ARMH3: variants seen among roughly 807,000 people sequenced by gnomAD.
The protein encoded by ARMH3 is armadillo like helical domain containing 3.
A neutral mutation model predicts 99.1 loss-of-function variants in ARMH3; 60 were observed. That is an observed-to-expected ratio of 0.61 (90% confidence interval 0.49 to 0.75). ARMH3 has a LOEUF of 0.75. Ranked by LOEUF, ARMH3 falls within the 30% of genes least tolerant of loss-of-function variation. The pLI is 0.00. For missense variants in ARMH3, 679 were observed against 843.1 expected (o/e 0.81, Z 2.41); for synonymous variants, 285 against 292.8 (o/e 0.97, Z 0.27).
At chr10:101,977,809 C>T (rs902804816) in intron 19 of ARMH3, among the ~76,000 whole-genome samples, 1 of 152,222 alleles carries the variant, frequency 6.6e-6, no homozygotes, top group Non-Finnish European at 1.5e-5. Context: ...CATACAATAC[C>T]TTGCACCACC....
At chr10:102,021,399 TA>T (rs2066882370) in intron 8 of ARMH3, among the ~76,000 whole-genome samples, 1 of 150,442 alleles carries the variant, frequency 6.6e-6, no homozygotes, top group Admixed American at 6.6e-5. Context: ...TTTTTTTTTT[TA>T]AAGACAGGGT....
In ARMH3 at chr10:101,850,463, C is replaced by T. The variant is rs567713630; in HGVS notation, c.1861-571G>A. Among the ~76,000 whole-genome samples the T allele has an allele frequency of 3.3e-5, 5 of 150,592 alleles. No individual in the cohort carries two copies. The South Asian group carries it at 8.4e-4, about 25-fold the overall frequency. ...TTTTTGAGACAGAGTCTCACTCTGT[C>T]GCCCAGGCTGGAGTGCAGTGGTGCA... On this transcript the variant is annotated intron_variant, in intron 24 of 25. Transcript: ENST00000370033.
At chr10:101,868,809 C>T (rs1352932782) in intron 24 of ARMH3, among the ~76,000 whole-genome samples, 4 of 152,196 alleles carry the variant, frequency 2.6e-5, no homozygotes, top group South Asian at 4.1e-4. Context: ...CGGTGGCTCA[C>T]GCCTATAATC....
intron 23 of ARMH3, among the ~76,000 whole-genome samples, chr10:101,897,574 T>G (rs573589068): frequency 1.3e-5 from 2 of 152,098 alleles, no homozygotes; most frequent in African/African-American, 4.8e-5. Context: ...CTTCTAAAAG[T>G]AAGCCTAGGT....
chr10:101,856,383 T>A (rs2066738164), intron 24 of ARMH3, among the ~76,000 whole-genome samples: 1 of 152,198 alleles, frequency 6.6e-6, no homozygotes, highest in African/African-American at 2.4e-5. Flanking sequence ...TAATTGGGCT[T>A]TTTAGGCCTC....
intron 24 of ARMH3, among the ~76,000 whole-genome samples, chr10:101,878,861 G>C (rs553433993): frequency 1.3e-5 from 2 of 151,806 alleles, no homozygotes; most frequent in East Asian, 3.9e-4. Flanking sequence ...AAGTCATCAC[G>C]TCCCTTTAGT....
At chr10:102,019,888 A>G (rs1023773942) in intron 8 of ARMH3, among the ~76,000 whole-genome samples, 1 of 150,196 alleles carries the variant, frequency 6.7e-6, no homozygotes, top group Non-Finnish European at 1.5e-5. Flanking sequence ...AGATCACGCC[A>G]CTGCACTCCA....
At chr10:101,915,325 C>G (rs1050216709) in intron 23 of ARMH3, among the ~76,000 whole-genome samples, 2 of 152,200 alleles carry the variant, frequency 1.3e-5, no homozygotes, top group Admixed American at 6.5e-5. Context: ...CTTAGGGAAT[C>G]AGCATCTTGC....
In ARMH3 at chr10:101,889,507, G is replaced by GT. The variant is rs777244822; in HGVS notation, c.1782-18dup. On this transcript the variant is annotated splice_polypyrimidine_tract_variant and intron_variant, in intron 23 of 25. Transcript: ENST00000370033. ...ATGATGGCTCTGAAACAAAGAATTC[G>GT]TATTAATATGGTGCCAGATAGAAGA... 4.4e-6 allele frequency: 7 copies of GT among 1,594,210 alleles called. No homozygotes were observed. In the South Asian group the frequency reaches 7.7e-5, roughly 18 times the overall value.
chr10:101,885,961 G>A (rs935602384), intron 24 of ARMH3, among the ~76,000 whole-genome samples: 9 of 152,064 alleles, frequency 5.9e-5, no homozygotes, highest in East Asian at 1.9e-4. Flanking sequence ...GGAGGCTGAC[G>A]CAGGAGAATT....
At chr10:101,917,392 A>G (rs1339472049) in intron 23 of ARMH3, among the ~76,000 whole-genome samples, 1 of 152,206 alleles carries the variant, frequency 6.6e-6, no homozygotes, top group Non-Finnish European at 1.5e-5. Context: ...ATACTGCATA[A>G]TGCAACTGAA....
intron 24 of ARMH3, among the ~76,000 whole-genome samples, chr10:101,865,031 A>G (rs2066966430): frequency 1.3e-5 from 2 of 151,994 alleles, no homozygotes; most frequent in South Asian, 4.2e-4. Context: ...CATGGCTAAC[A>G]TGGTGAAACC....
intron 20 of ARMH3, among the ~76,000 whole-genome samples, chr10:101,963,167 G>C (rs140695778): frequency 0.033 from 4,590 of 139,154 alleles, 81 homozygotes; most frequent in African/African-American, 0.041. Flanking sequence ...TTTTGAAACA[G>C]AGTCTCACTC....
At chr10:102,053,464 G>T (rs2067758849) in intron 1 of ARMH3, among the ~76,000 whole-genome samples, 1 of 151,850 alleles carries the variant, frequency 6.6e-6, no homozygotes, top group African/African-American at 2.4e-5. Flanking sequence ...CAAACTCCTG[G>T]GCTCAGGCAA....
chr10:102,011,815 A>G, intron 10 of ARMH3, 32 bp from the exon 11 acceptor site: 1 of 1,550,200 alleles, frequency 6.5e-7, no homozygotes, highest in Non-Finnish European at 8.8e-7. Context: ...CAACTTTAGG[A>G]TTGTTTATCA....
intron 24 of ARMH3, among the ~76,000 whole-genome samples, chr10:101,875,863 A>G (rs2067248408): frequency 6.6e-6 from 1 of 152,098 alleles, no homozygotes; most frequent in African/African-American, 2.4e-5. Context: ...CTAATTACAG[A>G]TCCAACACAC....
chr10:101,924,464 C>A (rs536995934), intron 23 of ARMH3, among the ~76,000 whole-genome samples: 3 of 151,006 alleles, frequency 2.0e-5, no homozygotes, highest in Non-Finnish European at 3.0e-5. Flanking sequence ...CAGGTTCATG[C>A]CATTCTCCTG....
intron 22 of ARMH3, among the ~76,000 whole-genome samples, chr10:101,946,393 T>C (rs1475803010): frequency 1.3e-5 from 2 of 152,046 alleles, no homozygotes; most frequent in African/African-American, 4.8e-5. Context: ...TGCCTTGTAA[T>C]CCCAGCACTT....
chr10:102,021,837 C>T (rs970804215), intron 8 of ARMH3, among the ~76,000 whole-genome samples: 4 of 152,048 alleles, frequency 2.6e-5, no homozygotes, highest in Admixed American at 6.6e-5. Context: ...TAAGCCATCG[C>T]GCCCGGCCAA....
Sources: allele counts gnomAD v4.1 joint callset (sites outside exome capture counted in the v4.1 genomes callset), GRCh38; gene constraint gnomAD v4.1.1; transcripts MANE v1.5; gene names NCBI Gene and HGNC (gene_info 2026-07-23, HGNC 2026-07-21).